JMJD1C: variants seen among roughly 807,000 people sequenced by gnomAD.
JMJD1C encodes jumonji domain-containing protein 1C.
In JMJD1C, 31 loss-of-function variants were observed where a neutral mutation model predicts 245.3. The observed-to-expected ratio is 0.13, with a 90% CI of 0.09 to 0.17. The LOEUF (loss-of-function observed/expected upper bound fraction) is 0.17. JMJD1C is among the 10% of genes least tolerant of loss of function. The pLI, the probability that JMJD1C is intolerant of heterozygous loss-of-function variation, is 1.00. For missense variants in JMJD1C, 2,691 were observed against 3,000.2 expected, an observed-to-expected ratio of 0.90 and a Z score of 2.41; for synonymous variants, 1,057 against 1,017.4, an observed-to-expected ratio of 1.04 and a Z score of -0.74.
chr10:63,394,966 A>T (rs907107992), intron 1 of JMJD1C, among the ~76,000 whole-genome samples: 1 of 152,198 alleles, frequency 6.6e-6, no homozygotes, highest in African/African-American at 2.4e-5. Flanking sequence ...CAAATCACGT[A>T]TTTCACAAAA....
chr10:63,280,669 A>C (rs1323823706), intron 2 of JMJD1C, among the ~76,000 whole-genome samples: 1 of 152,210 alleles, frequency 6.6e-6, no homozygotes, highest in Non-Finnish European at 1.5e-5. Context: ...TAAGATTTTA[A>C]TATTATCTTG....
chr10:63,355,372 A>G (rs1944744084), intron 2 of JMJD1C, among the ~76,000 whole-genome samples: 1 of 152,184 alleles, frequency 6.6e-6, no homozygotes. Flanking sequence ...ACATATACTC[A>G]TTTGTGTGCA....
chr10:63,263,505 C>T (rs1855061127), intron 3 of JMJD1C, among the ~76,000 whole-genome samples: 1 of 152,162 alleles, frequency 6.6e-6, no homozygotes, highest in Non-Finnish European at 1.5e-5. Flanking sequence ...ATAGTATTAA[C>T]TTTTTACTCC....
chr10:63,354,885 T>C (rs1944696646), intron 2 of JMJD1C, among the ~76,000 whole-genome samples: 1 of 146,548 alleles, frequency 6.8e-6, no homozygotes, highest in Non-Finnish European at 1.5e-5. Flanking sequence ...AAGTCAGGCA[T>C]GGTGGTGTGC....
intron 1 of JMJD1C, among the ~76,000 whole-genome samples, chr10:63,464,435 A>G (rs999944880): frequency 3.3e-5 from 4 of 122,226 alleles, no homozygotes; most frequent in South Asian, 3.1e-4. Context: ...TCATGCACAC[A>G]AAGGGAAAAA....
intron 1 of JMJD1C, among the ~76,000 whole-genome samples, chr10:63,417,574 A>G (rs1300146219): frequency 6.6e-6 from 1 of 152,198 alleles, no homozygotes; most frequent in Non-Finnish European, 1.5e-5. Context: ...CAGACTTGTT[A>G]AAAAGCTTAA....
At chr10:63,434,655 G>T (rs544607856) in intron 1 of JMJD1C, among the ~76,000 whole-genome samples, 1 of 152,004 alleles carries the variant, frequency 6.6e-6, no homozygotes, top group Non-Finnish European at 1.5e-5. Context: ...AGGCGGGAAG[G>T]ATCACTTGAG....
At chr10:63,371,622 G>A (rs1049079207) in intron 2 of JMJD1C, among the ~76,000 whole-genome samples, 4 of 152,032 alleles carry the variant, frequency 2.6e-5, no homozygotes, top group African/African-American at 9.7e-5. Flanking sequence ...TTCAAGCATC[G>A]TTTCCTAAGA....
chr10:63,400,435 G>A (rs1220328813), intron 1 of JMJD1C, among the ~76,000 whole-genome samples: 1 of 152,158 alleles, frequency 6.6e-6, no homozygotes, highest in African/African-American at 2.4e-5. Flanking sequence ...AGCCAAGTGA[G>A]GGACTACCTT....
intron 3 of JMJD1C, among the ~76,000 whole-genome samples, chr10:63,245,554 C>G (rs758495735): frequency 2.6e-4 from 37 of 141,032 alleles, no homozygotes; most frequent in Non-Finnish European, 4.4e-4. Context: ...GGGATCTCAG[C>G]TCACTGCAAT....
At chr10:63,282,602 G>A (rs1277576207) in intron 2 of JMJD1C, among the ~76,000 whole-genome samples, 2 of 152,136 alleles carry the variant, frequency 1.3e-5, no homozygotes, top group Non-Finnish European at 2.9e-5. Flanking sequence ...AGCATGTTAA[G>A]GGGTAACAAA....
chr10:63,338,178 A>G (rs1222908942), intron 2 of JMJD1C, among the ~76,000 whole-genome samples: 2 of 152,210 alleles, frequency 1.3e-5, no homozygotes, highest in African/African-American at 2.4e-5. Flanking sequence ...TTTGTCACTC[A>G]GGCTGGAGTG....
chr10:63,383,988 C>T (rs1186993626), intron 1 of JMJD1C, among the ~76,000 whole-genome samples: 1 of 152,200 alleles, frequency 6.6e-6, no homozygotes, highest in Non-Finnish European at 1.5e-5. Context: ...ACTTTACCCA[C>T]AGCTGAACCT....
At chr10:63,365,553 G>A (rs191994872) in intron 2 of JMJD1C, among the ~76,000 whole-genome samples, 2 of 152,098 alleles carry the variant, frequency 1.3e-5, no homozygotes, top group South Asian at 4.1e-4. Flanking sequence ...GGTGGATCAC[G>A]AGGTCAGGAG....
chr10:63,192,379 G>A (rs369718437), intron 16 of JMJD1C, among the ~76,000 whole-genome samples: 81 of 152,014 alleles, frequency 5.3e-4, no homozygotes, highest in African/African-American at 1.9e-3. Context: ...AGACCAGCCT[G>A]GTCAACATGG....
At chr10:63,332,747 G>A (rs905343984) in intron 2 of JMJD1C, among the ~76,000 whole-genome samples, 4 of 152,144 alleles carry the variant, frequency 2.6e-5, no homozygotes, top group Non-Finnish European at 1.5e-5. Context: ...ATAGGTTAAA[G>A]AATCACTTTT....
chr10:63,332,578 A>G (rs926127680), intron 2 of JMJD1C, among the ~76,000 whole-genome samples: 3 of 152,310 alleles, frequency 2.0e-5, no homozygotes, highest in Non-Finnish European at 2.9e-5. Context: ...TAACTTACCA[A>G]TTGTGTGAGT....
chr10:63,224,283 TAATA>T (rs778320570), intron 3 of JMJD1C, among the ~76,000 whole-genome samples: 2 of 152,214 alleles, frequency 1.3e-5, no homozygotes, highest in Non-Finnish European at 2.9e-5. Flanking sequence ...TTTTCTATCT[TAATA>T]AATGTTTTAA....
intron 1 of JMJD1C, among the ~76,000 whole-genome samples, chr10:63,386,977 C>A (rs1426833722): frequency 1.3e-5 from 2 of 152,182 alleles, no homozygotes; most frequent in Admixed American, 6.5e-5. Flanking sequence ...CATGTGGCAA[C>A]CCATTCCCTA....
Sources: allele counts gnomAD v4.1 joint callset (sites outside exome capture counted in the v4.1 genomes callset), GRCh38; gene constraint gnomAD v4.1.1; transcripts MANE v1.5; gene names NCBI Gene and HGNC (gene_info 2026-07-23, HGNC 2026-07-21).